The following SYN3 variants were observed in gnomAD, a reference collection of about 807,000 sequenced individuals.
The protein encoded by SYN3 is synapsin III, also known as synapsin-3.
SYN3 carries 35 observed loss-of-function variants against 65.8 expected under a neutral mutation model. That is an observed-to-expected ratio of 0.53 (90% CI 0.41 to 0.70). The LOEUF (loss-of-function observed/expected upper bound fraction) is 0.70, where lower values mean the gene tolerates loss of function less well. Among genes scored for constraint, SYN3 ranks in the 30% least tolerant of loss-of-function variants. The pLI is 0.00. For synonymous variants in SYN3, 270 were observed against 292.9 expected (o/e 0.92, Z 0.80); for missense variants, 680 against 749.0 (o/e 0.91, Z 1.08).
intron 2 of SYN3, among the ~76,000 whole-genome samples, chr22:32,991,342 A>AATAATAATAATAATAATC (rs2052708723): frequency 8.5e-6 from 1 of 117,234 alleles, no homozygotes; most frequent in Non-Finnish European, 1.8e-5. Flanking sequence ...CATCTCAAAT[A>AATAATAATAATAATAATC]ATAATAATAA....
intron 6 of SYN3, among the ~76,000 whole-genome samples, chr22:32,764,218 C>T (rs4820092): frequency 0.78 from 118,690 of 151,558 alleles, 47,305 homozygotes; most frequent in African/African-American, 0.94. Flanking sequence ...GCTGAGATTA[C>T]AGGTGTGAGC....
intron 2 of SYN3, among the ~76,000 whole-genome samples, chr22:32,994,776 T>G (rs1020408134): frequency 6.6e-6 from 1 of 152,114 alleles, no homozygotes; most frequent in African/African-American, 2.4e-5. Context: ...CACATCCAGC[T>G]GAGCTGAGAG....
At chr22:33,037,991 G>A (rs550326013) in intron 1 of SYN3, among the ~76,000 whole-genome samples, 2 of 150,996 alleles carry the variant, frequency 1.3e-5, no homozygotes, top group Admixed American at 1.3e-4. Context: ...AAGAATGCAT[G>A]AAGTTAAAAA....
At chr22:32,628,953 TTAGA>T (rs2059708611) in intron 6 of SYN3, among the ~76,000 whole-genome samples, 1 of 152,262 alleles carries the variant, frequency 6.6e-6, no homozygotes, top group East Asian at 1.9e-4. Flanking sequence ...AGGGAGGGAC[TTAGA>T]CCCAGGAGGG....
intron 4 of SYN3, among the ~76,000 whole-genome samples, chr22:32,887,171 G>A (rs1035733477): frequency 2.0e-5 from 3 of 152,156 alleles, no homozygotes; most frequent in African/African-American, 7.2e-5. Context: ...GAGTTCAGGA[G>A]TTCAAGACCA....
At chr22:32,666,136 T>C (rs1267138743) in intron 6 of SYN3, among the ~76,000 whole-genome samples, 1 of 152,134 alleles carries the variant, frequency 6.6e-6, no homozygotes, top group Non-Finnish European at 1.5e-5. Flanking sequence ...CAGAATATGG[T>C]CATTTTCCTC....
chr22:32,716,898 T>C (rs1198521897), intron 6 of SYN3, among the ~76,000 whole-genome samples: 1 of 152,096 alleles, frequency 6.6e-6, no homozygotes. Flanking sequence ...TACCATTCAG[T>C]AGCATGAAAT....
At chr22:32,754,543 T>C (rs1274113623) in intron 6 of SYN3, among the ~76,000 whole-genome samples, 2 of 152,204 alleles carry the variant, frequency 1.3e-5, no homozygotes, top group African/African-American at 4.8e-5. Context: ...CATCCTCTCC[T>C]GCTGCCGCAG....
chr22:32,849,101 G>C (rs537516104), intron 6 of SYN3, among the ~76,000 whole-genome samples: 1 of 152,226 alleles, frequency 6.6e-6, no homozygotes, highest in Admixed American at 6.5e-5. Context: ...GGACAAGGGA[G>C]GGGGGACAAT....
chr22:32,826,353 C>T (rs922501061), intron 6 of SYN3, among the ~76,000 whole-genome samples: 9 of 152,164 alleles, frequency 5.9e-5, no homozygotes, highest in Middle Eastern at 3.4e-3. Flanking sequence ...CGCTTGAACC[C>T]GGGAGGCGGA....
chr22:32,647,713 ATTC>A (rs1391164423), intron 6 of SYN3, among the ~76,000 whole-genome samples: 4 of 152,056 alleles, frequency 2.6e-5, no homozygotes, highest in African/African-American at 9.7e-5. Context: ...GGTTCAAGCA[ATTC>A]TTCTGCCTCA....
intron 1 of SYN3, among the ~76,000 whole-genome samples, chr22:33,052,549 C>T (rs2054186558): frequency 6.6e-6 from 1 of 151,472 alleles, no homozygotes; most frequent in African/African-American, 2.4e-5. Flanking sequence ...ATCTGCAGGG[C>T]CCTGCTGTAT....
intron 6 of SYN3, among the ~76,000 whole-genome samples, chr22:32,611,306 G>GT (rs2059441904): frequency 3.6e-5 from 2 of 55,676 alleles, no homozygotes; most frequent in South Asian, 5.4e-4. Context: ...TTTTTTTTTT[G>GT]TGGGGGGGAT....
intron 6 of SYN3, among the ~76,000 whole-genome samples, chr22:32,789,654 T>G (rs2046274735): frequency 6.6e-6 from 1 of 152,208 alleles, no homozygotes; most frequent in African/African-American, 2.4e-5. Flanking sequence ...CTAATTCTGA[T>G]TTTTCAGTAG....
intron 3 of SYN3, among the ~76,000 whole-genome samples, chr22:32,960,586 G>A (rs750941546): frequency 3.9e-5 from 6 of 152,178 alleles, no homozygotes; most frequent in Non-Finnish European, 8.8e-5. Flanking sequence ...AGTCATGCAT[G>A]TGACTGCGCG....
intron 8 of SYN3, among the ~76,000 whole-genome samples, chr22:32,538,985 G>A (rs144979333): frequency 2.6e-5 from 4 of 152,234 alleles, no homozygotes; most frequent in Non-Finnish European, 5.9e-5. Context: ...GTGAGGAACT[G>A]TGTACACTGG....
At chr22:32,842,745 C>G (rs1456489828) in intron 6 of SYN3, among the ~76,000 whole-genome samples, 6 of 152,104 alleles carry the variant, frequency 3.9e-5, no homozygotes, top group Non-Finnish European at 8.8e-5. Context: ...TGTTTTTATT[C>G]CATGAAAGCC....
At chr22:32,515,357 T>G (rs1024018363) in intron 13 of SYN3, among the ~76,000 whole-genome samples, 1 of 152,178 alleles carries the variant, frequency 6.6e-6, no homozygotes, top group African/African-American at 2.4e-5. Context: ...GTGCATAAAC[T>G]CATTGCAATC....
Position 32,596,703 on chromosome 22 carries a change from G to C in SYN3, c.745C>G (p.Leu249Val). 1 of 1,614,064 alleles carries C rather than the reference G, an allele frequency of 6.2e-7. No homozygotes were observed. Among genetic ancestry groups the C allele is most frequent in the Non-Finnish European group, 8.5e-7 (1 of 1,179,962 alleles). ...CCCATTCCAGCGTGGGCATGTCCCA[G>C]CTTGACTACCACCGGGAAGTGTGGG... is the stretch of plus-strand genomic sequence containing the variant. ...TAPHFPVVVKLGHAHAGMGKI... is the reference protein window; with the variant it reads ...TAPHFPVVVKVGHAHAGMGKI... The change falls in exon 7 of 14, where the codon CTG becomes GTG. Residue 249 changes from leucine to valine, a missense_variant. Physicochemically the swap from Leu to Val is conservative, Grantham distance 32 (BLOSUM62 1). Coordinates refer to ENST00000358763, the MANE Select transcript of SYN3 (RefSeq NM_003490.4).
Sources: allele counts gnomAD v4.1 joint callset (sites outside exome capture counted in the v4.1 genomes callset), GRCh38; gene constraint gnomAD v4.1.1; transcripts MANE v1.5; gene names NCBI Gene and HGNC (gene_info 2026-07-23, HGNC 2026-07-21).